The following ZNF624 variants were observed in gnomAD, a reference collection of about 807,000 sequenced individuals.
ZNF624 encodes the protein zinc finger protein 624.
ZNF624 carries 43 observed loss-of-function variants against 74.7 expected under a neutral mutation model. That is an observed-to-expected ratio of 0.58 (90% CI 0.45 to 0.74). ZNF624 has a LOEUF of 0.74. ZNF624 is among the 30% of genes least tolerant of loss of function. The pLI is 0.00. For synonymous variants in ZNF624, 331 were observed against 341.3 expected (o/e 0.97, Z 0.33); for missense variants, 820 against 1,030.0 (o/e 0.80, Z 2.79).
intron 5 of ZNF624, among the ~76,000 whole-genome samples, chr17:16,629,184 C>T (rs1461197396): frequency 1.2e-4 from 15 of 121,090 alleles, no homozygotes; most frequent in Non-Finnish European, 1.9e-4. Flanking sequence ...GGCGACAGAG[C>T]GAGACTCCAT....
At chr17:16,630,635 A>G (rs1909184687) in intron 5 of ZNF624, among the ~76,000 whole-genome samples, 1 of 152,236 alleles carries the variant, frequency 6.6e-6, no homozygotes, top group Non-Finnish European at 1.5e-5. Context: ...AGTGAAAGTT[A>G]GCAGATGAAA....
At chr17:16,615,286 A>G in the ZNF624 span, among the ~76,000 whole-genome samples, 1 of 152,040 alleles carries the variant, frequency 6.6e-6, no homozygotes, top group Non-Finnish European at 1.5e-5. Flanking sequence ...TTTAGCAGAG[A>G]TGGGGTTTCA....
downstream of ZNF624, chr17:16,617,152 C>G (rs992805050): frequency 3.7e-6 from 6 of 1,612,892 alleles, no homozygotes; most frequent in African/African-American, 6.7e-5. Context: ...GCTCTTTGAT[C>G]TAGATTTCCT....
intron 1 of ZNF624, among the ~76,000 whole-genome samples, chr17:16,652,889 TATTAG>T (rs1408013514): frequency 7.2e-5 from 11 of 152,354 alleles, no homozygotes; most frequent in Middle Eastern, 6.8e-3. Context: ...ACGAATCAGC[TATTAG>T]TACATGACAG....
intron 3 of ZNF624, among the ~76,000 whole-genome samples, chr17:16,643,551 T>C (rs953414924): frequency 6.6e-6 from 1 of 152,174 alleles, no homozygotes; most frequent in Non-Finnish European, 1.5e-5. Flanking sequence ...CTAGTGGGTA[T>C]GGGGTTTCTT....
intron 3 of ZNF624, among the ~76,000 whole-genome samples, chr17:16,646,814 C>T (rs1423277697): frequency 6.6e-6 from 1 of 152,174 alleles, no homozygotes; most frequent in Non-Finnish European, 1.5e-5. Context: ...CTTAGACAGG[C>T]TTGTTAAGAC....
the ZNF624 span, among the ~76,000 whole-genome samples, chr17:16,615,191 G>A: frequency 4.6e-5 from 7 of 152,102 alleles, no homozygotes; most frequent in African/African-American, 1.4e-4. Context: ...TCCGCCTCCC[G>A]GGTTCAGGCC....
chr17:16,622,842 G>C lies in ZNF624; in HGVS notation c.2044C>G (p.Gln682Glu). The change falls in exon 6 of 6, where the codon CAG (glutamine) becomes GAG (glutamate). Residue 682 changes from glutamine (Q) to glutamate (E), a missense_variant. Gln to Glu is a conservative substitution (Grantham distance 29). Transcript: ENST00000311331. The stretch of plus-strand genomic sequence containing the variant: ...TGCCTTCGTTGGTGCACGGTAAGCT[G>C]TGATGTATTAGTGAAGGCTTTCTCA... ...ECEKAFTNTSQLTVHQRRHTG... is the reference protein window; with the variant it reads ...ECEKAFTNTSELTVHQRRHTG... 6.2e-7 allele frequency: 1 copy of C among 1,613,846 alleles called. No individual in the cohort carries two copies. The highest frequency in any genetic ancestry group is 8.5e-7 in the Non-Finnish European group (1 of 1,179,914).
At chr17:16,645,563 C>T (rs1357439609) in intron 3 of ZNF624, among the ~76,000 whole-genome samples, 1 of 148,266 alleles carries the variant, frequency 6.7e-6, no homozygotes, top group Admixed American at 6.8e-5. Flanking sequence ...GACGTTTGTA[C>T]TAAAAAACAT....
In ZNF624 at chr17:16,647,351, G is replaced by C. The variant is rs748938953; in HGVS notation, c.131C>G (p.Ala44Gly). The C allele has an allele frequency of 6.2e-7, 1 of 1,614,030 alleles. No homozygotes were observed. Among genetic ancestry groups the C allele is most frequent in the Non-Finnish European group, 8.5e-7 (1 of 1,179,956 alleles). The change falls in exon 3 of 6, where the codon GCA becomes GGA. Residue 44 changes from alanine (A) to glycine (G), a missense_variant. Coordinates refer to ENST00000311331, the MANE Select transcript of ZNF624 (RefSeq NM_020787.4). ...TACCTTTACCAATTGTGTTTCTTCTGCCTGAAGGTGAAGATCTTCATCTGG... is the reference window on the plus strand; with the variant it reads ...TACCTTTACCAATTGTGTTTCTTCTCCCTGAAGGTGAAGATCTTCATCTGG... ...TQPDEDLHLQ[A>G]EETQLVKESV...
At chr17:16,619,857 G>C (rs1908865546), downstream of ZNF624, among the ~76,000 whole-genome samples, 1 of 152,346 alleles carries the variant, frequency 6.6e-6, no homozygotes, top group Non-Finnish European at 1.5e-5. Flanking sequence ...GCAGAATGGA[G>C]GGACCAACAA....
chr17:16,638,477 G>A (rs1414515413), intron 3 of ZNF624, among the ~76,000 whole-genome samples: 1 of 151,956 alleles, frequency 6.6e-6, no homozygotes, highest in Non-Finnish European at 1.5e-5. Context: ...GTCCAACAAC[G>A]ATAGACTGGA....
At position 16,622,756 on chromosome 17, in the gene ZNF624, G is replaced by A; in HGVS notation, c.2130C>T (p.Gly710=). 1 of 1,613,608 alleles carries A rather than the reference G, an allele frequency of 6.2e-7. No individual in the cohort carries two copies. Among genetic ancestry groups the A allele is most frequent in the South Asian group, 1.1e-5 (1 of 91,072 alleles). The change falls in exon 6 of 6, where the codon GGC becomes GGT. Residue 710 remains glycine (G), a synonymous_variant. Transcript: ENST00000311331. ...ECGKVFTSNS[G]FNTHQRTHTG... The stretch of plus-strand genomic sequence containing the variant: ...TATGTGTTCTTTGATGTGTATTAAA[G>A]CCTGAGTTACTTGTGAAAACCTTTC...
At chr17:16,625,753 G>A (rs371839550) in intron 5 of ZNF624, among the ~76,000 whole-genome samples, 37 of 151,964 alleles carry the variant, frequency 2.4e-4, no homozygotes, top group Middle Eastern at 3.4e-3. Context: ...CTGACAGTTT[G>A]TCAAAAATTC....
At chr17:16,628,300 A>C (rs926365598) in intron 5 of ZNF624, among the ~76,000 whole-genome samples, 1 of 152,178 alleles carries the variant, frequency 6.6e-6, no homozygotes, top group Admixed American at 6.5e-5. Context: ...ACAAAAATCA[A>C]AAGTCACATG....
downstream of ZNF624, chr17:16,617,862 C>T: frequency 6.2e-7 from 1 of 1,608,850 alleles, no homozygotes; most frequent in Non-Finnish European, 8.5e-7. Context: ...GCTTAGGCGT[C>T]CTATGTAGAC....
At chr17:16,638,428 G>A (rs771064428) in intron 3 of ZNF624, among the ~76,000 whole-genome samples, 14 of 152,082 alleles carry the variant, frequency 9.2e-5, no homozygotes, top group African/African-American at 1.4e-4. Context: ...TGTTTACTGC[G>A]GCACTACTCA....
intron 5 of ZNF624, 43 bp from the exon 6 acceptor site, chr17:16,624,552 C>G: frequency 6.7e-7 from 1 of 1,487,848 alleles, no homozygotes; most frequent in Non-Finnish European, 9.0e-7. Context: ...CTTTCCTAAG[C>G]TGGGGCAATC....
chr17:16,643,548 G>A (rs1909515605), intron 3 of ZNF624, among the ~76,000 whole-genome samples: 2 of 152,148 alleles, frequency 1.3e-5, no homozygotes, highest in African/African-American at 2.4e-5. Flanking sequence ...CTGCTAGTGG[G>A]TATGGGGTTT....
Sources: allele counts gnomAD v4.1 joint callset (sites outside exome capture counted in the v4.1 genomes callset), GRCh38; gene constraint gnomAD v4.1.1; transcripts MANE v1.5; gene names NCBI Gene and HGNC (gene_info 2026-07-23, HGNC 2026-07-21).